The following CFAP47 variants were observed in gnomAD, a reference collection of about 807,000 sequenced individuals.
CFAP47 encodes the protein cilia- and flagella-associated protein 47.
CFAP47 carries 29 observed loss-of-function variants against 148.1 expected under a neutral mutation model. The ratio of observed to expected loss-of-function variants is 0.20; its 90% CI spans 0.15 to 0.27. CFAP47 has a LOEUF of 0.27. CFAP47 is among the 10% of genes least tolerant of loss of function. The pLI, the probability that CFAP47 is intolerant of heterozygous loss-of-function variation, is 1.00. For missense variants in CFAP47, 1,872 were observed against 1,697.5 expected (o/e 1.10, Z -1.81); for synonymous variants, 664 against 577.3 (o/e 1.15, Z -2.15).
intron 61 of CFAP47, among the ~76,000 whole-genome samples, chrX:36,362,947 A>T (rs937292806): frequency 9.0e-6 from 1 of 111,465 alleles, no homozygotes; most frequent in Non-Finnish European, 1.9e-5. Flanking sequence ...CTTCATATGT[A>T]TTAATATAAT....
rs1230858892 is a variant in CFAP47, at chrX:35,967,638, T to C, written c.1620T>C (p.Arg540=). Residue 540 remains arginine (R), a synonymous_variant, in exon 10 of 64, where the codon CGT becomes CGC. Coordinates refer to ENST00000378653, the MANE Select transcript of CFAP47 (RefSeq NM_001304548.2). ...KFDPGILPSI[R]NPTGKFVVKD... ...TAAAAGGTATATTGCCTTCGATCCG[T>C]AATCCCACGGGAAAGTTTGTGGTCA... 1 of 1,208,189 alleles carries C rather than the reference T, an allele frequency of 8.3e-7. No homozygotes were observed. Among genetic ancestry groups the C allele is most frequent in the Admixed American group, 2.2e-5 (1 of 45,822 alleles).
At chrX:36,355,167 G>A (rs1313144559) in intron 60 of CFAP47, among the ~76,000 whole-genome samples, 1 of 110,952 alleles carries the variant, frequency 9.0e-6, no homozygotes, top group Non-Finnish European at 1.9e-5. Flanking sequence ...AAACCACAAT[G>A]AGATATCACC....
chrX:36,280,398 G>C (rs1941065098), intron 49 of CFAP47, 89 bp from the exon 50 acceptor site: 2 of 364,576 alleles, frequency 5.5e-6, no homozygotes, highest in South Asian at 1.3e-4. Context: ...TATATCTTAA[G>C]CTAGAGTAAC....
intron 33 of CFAP47, among the ~76,000 whole-genome samples, chrX:36,133,566 C>T (rs1246848664): frequency 9.1e-6 from 1 of 110,313 alleles, no homozygotes; most frequent in African/African-American, 3.3e-5. Context: ...CCTGAGATAA[C>T]ACCATTAATC....
chrX:36,285,234 A>G (rs1383924871), intron 50 of CFAP47, among the ~76,000 whole-genome samples: 1 of 111,491 alleles, frequency 9.0e-6, no homozygotes, highest in Admixed American at 9.6e-5. Context: ...TAGCATTGTA[A>G]ATTGTAATGA....
chrX:36,041,296 T>C (rs1294586257), intron 25 of CFAP47, among the ~76,000 whole-genome samples: 4 of 110,970 alleles, frequency 3.6e-5, no homozygotes, highest in African/African-American at 1.3e-4. Context: ...TAAGGAAGCA[T>C]AACCATAAAT....
chrX:36,361,114 A>G (rs1456245037), intron 60 of CFAP47, among the ~76,000 whole-genome samples: 1 of 111,250 alleles, frequency 9.0e-6, no homozygotes. Context: ...GTTTATTTTT[A>G]TATGCATTCA....
At chrX:36,153,101 G>T (rs1158653956) in intron 37 of CFAP47, among the ~76,000 whole-genome samples, 2 of 111,423 alleles carry the variant, frequency 1.8e-5, no homozygotes, top group African/African-American at 3.3e-5. Context: ...ATATGGGTGA[G>T]ATTCAAGGTA....
At chrX:36,371,615 A>ATG (rs1456974619) in intron 62 of CFAP47, among the ~76,000 whole-genome samples, 3 of 90,730 alleles carry the variant, frequency 3.3e-5, no homozygotes, top group Non-Finnish European at 4.4e-5. Context: ...ATGTGTATAT[A>ATG]TGTGTAATAT....
intron 27 of CFAP47, among the ~76,000 whole-genome samples, chrX:36,067,821 G>C (rs1490245090): frequency 9.2e-6 from 1 of 109,185 alleles, no homozygotes; most frequent in Non-Finnish European, 1.9e-5. Context: ...CGCCACCATG[G>C]CCGGCTAATC....
chrX:36,279,950 C>A (rs1342678340), intron 49 of CFAP47, among the ~76,000 whole-genome samples: 1 of 110,923 alleles, frequency 9.0e-6, no homozygotes, highest in Non-Finnish European at 1.9e-5. Context: ...GCAGTCCACC[C>A]TCCTCAGCCT....
intron 39 of CFAP47, among the ~76,000 whole-genome samples, chrX:36,175,695 T>G (rs944012371): frequency 9.0e-6 from 1 of 111,185 alleles, no homozygotes; most frequent in African/African-American, 3.3e-5. Context: ...AACCACTGTT[T>G]TCTTCAAAGC....
At position 36,092,899 on chromosome X, in the gene CFAP47, C is replaced by T. The variant is rs1054624163; in HGVS notation, c.4917-5894C>T. Among the ~76,000 whole-genome samples the T allele has an allele frequency of 6.3e-5, 7 of 110,848 alleles. No homozygotes were observed. The East Asian group carries it at 1.7e-3, about 27-fold the overall frequency. On this transcript the variant is annotated intron_variant, in intron 30 of 63. Transcript: ENST00000378653. ...CCATTAATTATCCCCACTTCCCCCT[C>T]ACTGCCTGACTACCCTTCCCAGACT...
In CFAP47 at chrX:36,051,946, T is replaced by G. The variant is rs183073150; in HGVS notation, c.4217+4883T>G. Among the ~76,000 whole-genome samples the G allele has an allele frequency of 3.6e-5, 4 of 111,591 alleles. No homozygotes were observed. In the East Asian group the frequency reaches 1.1e-3, roughly 32 times the overall value. On this transcript the variant is annotated intron_variant, in intron 26 of 63. Coordinates refer to ENST00000378653, the MANE Select transcript of CFAP47 (RefSeq NM_001304548.2). ...AGTCTCACAAGACCTGATGGTTTTA[T>G]GAAGGGCAGTTCTCTTGCACACACT...
At chrX:36,199,263 TC>T (rs1248648417) in intron 42 of CFAP47, among the ~76,000 whole-genome samples, 1 of 111,887 alleles carries the variant, frequency 8.9e-6, no homozygotes, top group Non-Finnish European at 1.9e-5. Flanking sequence ...GTATTGATCA[TC>T]CCATATTACA....
At chrX:36,331,895 G>A (rs1329174660) in intron 57 of CFAP47, among the ~76,000 whole-genome samples, 4 of 111,798 alleles carry the variant, frequency 3.6e-5, no homozygotes, top group Non-Finnish European at 5.6e-5. Context: ...TCAACATGTT[G>A]TTTAAAACCT....
chrX:35,939,993 G>T (rs1375308262), intron 2 of CFAP47, among the ~76,000 whole-genome samples: 1 of 109,735 alleles, frequency 9.1e-6, no homozygotes, highest in Non-Finnish European at 1.9e-5. Flanking sequence ...CATTCTAACT[G>T]GTGTGAGATG....
chrX:36,107,188 TTG>T (rs1376891575), intron 33 of CFAP47, among the ~76,000 whole-genome samples: 3 of 112,113 alleles, frequency 2.7e-5, no homozygotes, highest in Non-Finnish European at 5.6e-5. Context: ...AACAATTCCA[TTG>T]TTAGACTCAT....
chrX:36,077,786 G>T (rs1477698086), intron 29 of CFAP47, among the ~76,000 whole-genome samples: 1 of 111,176 alleles, frequency 9.0e-6, no homozygotes, highest in Admixed American at 9.6e-5. Context: ...CAGCACTTTG[G>T]GAGGCTGAGG....
Sources: allele counts gnomAD v4.1 joint callset (sites outside exome capture counted in the v4.1 genomes callset), GRCh38; gene constraint gnomAD v4.1.1; transcripts MANE v1.5; gene names NCBI Gene and HGNC (gene_info 2026-07-23, HGNC 2026-07-21).